The following GPC3 variants were observed in gnomAD, a reference collection of about 807,000 sequenced individuals.
The protein encoded by GPC3 is glypican-3.
In GPC3, 3 loss-of-function variants were observed where a neutral mutation model predicts 34.4. That is an observed-to-expected ratio of 0.09 (90% CI 0.04 to 0.23). GPC3 has a LOEUF of 0.23. Among genes scored for constraint, GPC3 ranks in the 10% least tolerant of loss-of-function variants. The pLI is 1.00. For synonymous variants in GPC3, 177 were observed against 174.0 expected (o/e 1.02, Z -0.13); for missense variants, 351 against 445.6 (o/e 0.79, Z 1.91).
intron 7 of GPC3, among the ~76,000 whole-genome samples, chrX:133,563,186 A>T (rs1264424892): frequency 9.0e-6 from 1 of 111,360 alleles, no homozygotes; most frequent in Non-Finnish European, 1.9e-5. Flanking sequence ...GGGAAAAAAA[A>T]GGCAAGCTGA....
chrX:133,858,285 G>T (rs1039160319), intron 2 of GPC3, among the ~76,000 whole-genome samples: 1 of 111,935 alleles, frequency 8.9e-6, no homozygotes, highest in Non-Finnish European at 1.9e-5. Flanking sequence ...TTAGGAAAAG[G>T]CGTCCCCGCT....
Position 133,763,320 on chromosome X carries a change from G to A in GPC3, c.338-9144C>T, listed in dbSNP as rs1448886766. The A allele has an allele frequency of 7.1e-6, 4 of 561,031 alleles. No individual in the cohort carries two copies. In the East Asian group the frequency reaches 1.0e-4, roughly 14 times the overall value. The allele number at this position is 561,031 out of a possible 1,213,427, so 46.2% of individuals were successfully genotyped here. A position where few individuals can be genotyped will look rare whatever the true frequency, so the allele number is the denominator to read the frequency against. ...GAGCTCACTCAGTGGGTTTGATGTG[G>A]TGGATGCTGGCTCAGGAAGTTCTGC... On this transcript the variant is annotated intron_variant, in intron 2 of 7. Transcript: ENST00000370818.
chrX:133,925,302 A>T (rs2076270377), intron 2 of GPC3, among the ~76,000 whole-genome samples: 2 of 110,522 alleles, frequency 1.8e-5, no homozygotes, highest in Admixed American at 1.9e-4. Flanking sequence ...CTGATTCTGG[A>T]TTTCAAGAGG....
At chrX:133,768,240 A>G (rs1243747623) in intron 2 of GPC3, among the ~76,000 whole-genome samples, 2 of 111,447 alleles carry the variant, frequency 1.8e-5, no homozygotes, top group African/African-American at 6.5e-5. Context: ...CTGAGCATCG[A>G]GCGCCTAAAG....
chrX:133,562,222 G>A (rs1375940454), intron 7 of GPC3, among the ~76,000 whole-genome samples: 3 of 111,605 alleles, frequency 2.7e-5, no homozygotes, highest in African/African-American at 9.8e-5. Context: ...AAAGGCGAAG[G>A]AGTCACGAGC....
intron 2 of GPC3, among the ~76,000 whole-genome samples, chrX:133,909,152 A>G (rs2076184427): frequency 8.9e-6 from 1 of 112,073 alleles, no homozygotes; most frequent in Admixed American, 9.5e-5. Flanking sequence ...TTTGTTAAAT[A>G]AACGAATATT....
intron 6 of GPC3, among the ~76,000 whole-genome samples, chrX:133,641,139 A>G (rs889981347): frequency 1.3e-4 from 14 of 110,528 alleles, no homozygotes; most frequent in Non-Finnish European, 2.5e-4. Flanking sequence ...AAAAAATTCC[A>G]GGTGTATGCT....
chrX:133,704,743 G>T (rs2071199919), intron 3 of GPC3, among the ~76,000 whole-genome samples: 1 of 110,805 alleles, frequency 9.0e-6, no homozygotes, highest in African/African-American at 3.3e-5. Context: ...GAGAAGGGGT[G>T]AGGGGAAGGT....
intron 6 of GPC3, among the ~76,000 whole-genome samples, chrX:133,627,931 T>G (rs889544374): frequency 1.8e-5 from 2 of 112,219 alleles, no homozygotes; most frequent in Non-Finnish European, 3.8e-5. Flanking sequence ...TTAATTCTCT[T>G]TACAAAGAGC....
intron 3 of GPC3, among the ~76,000 whole-genome samples, chrX:133,735,961 T>TA (rs57468151): frequency 3.1e-4 from 30 of 96,201 alleles, no homozygotes; most frequent in Non-Finnish European, 2.9e-4. Flanking sequence ...AGACCCTGTT[T>TA]AAAAAAAAAA....
chrX:133,887,465 GTCT>G (rs920716285), intron 2 of GPC3, among the ~76,000 whole-genome samples: 1 of 111,818 alleles, frequency 8.9e-6, no homozygotes, highest in Non-Finnish European at 1.9e-5. Flanking sequence ...CCATTTGTAT[GTCT>G]TCTTTGGAGA....
chrX:133,618,726 A>G (rs191922842), intron 6 of GPC3, among the ~76,000 whole-genome samples: 30 of 109,966 alleles, frequency 2.7e-4, no homozygotes, highest in Non-Finnish European at 5.1e-4. Flanking sequence ...AAAATAGACC[A>G]AAGGTTAAAA....
chrX:133,770,999 A>G (rs1180319414), intron 2 of GPC3, among the ~76,000 whole-genome samples: 1 of 111,601 alleles, frequency 9.0e-6, no homozygotes, highest in Non-Finnish European at 1.9e-5. Context: ...ACAGATGGAC[A>G]AGGGACAGTA....
At chrX:133,932,443 A>G (rs998916461) in intron 2 of GPC3, among the ~76,000 whole-genome samples, 1 of 112,066 alleles carries the variant, frequency 8.9e-6, no homozygotes, top group African/African-American at 3.2e-5. Flanking sequence ...AACATGTAAA[A>G]TAATAGTTCT....
intron 2 of GPC3, among the ~76,000 whole-genome samples, chrX:133,871,017 T>C (rs2124575438): frequency 8.9e-6 from 1 of 112,077 alleles, no homozygotes; most frequent in South Asian, 3.8e-4. Context: ...TTTTCCTGCT[T>C]TCATGATTTC....
intron 7 of GPC3, among the ~76,000 whole-genome samples, chrX:133,536,867 T>G (rs942008593): frequency 9.0e-6 from 1 of 111,326 alleles, no homozygotes; most frequent in Non-Finnish European, 1.9e-5. Flanking sequence ...GAAAGTTGTT[T>G]TATTTTCCCA....
chrX:133,619,101 TAAATG>T (rs767321825), intron 6 of GPC3, among the ~76,000 whole-genome samples: 64 of 112,188 alleles, frequency 5.7e-4, no homozygotes, highest in Middle Eastern at 4.6e-3. Context: ...TCATAAGCCA[TAAATG>T]AAATGAAATC....
intron 5 of GPC3, among the ~76,000 whole-genome samples, chrX:133,686,726 G>A (rs1305681826): frequency 9.3e-6 from 1 of 107,762 alleles, no homozygotes; most frequent in Non-Finnish European, 1.9e-5. Flanking sequence ...CCACTGAATC[G>A]TATACCCTAA....
chrX:133,869,803 A>C (rs965243511), intron 2 of GPC3, among the ~76,000 whole-genome samples: 1 of 111,069 alleles, frequency 9.0e-6, no homozygotes, highest in Non-Finnish European at 1.9e-5. Flanking sequence ...AATACAAAAA[A>C]AATTAGCCGG....
Sources: allele counts gnomAD v4.1 joint callset (sites outside exome capture counted in the v4.1 genomes callset), GRCh38; gene constraint gnomAD v4.1.1; transcripts MANE v1.5; gene names NCBI Gene and HGNC (gene_info 2026-07-23, HGNC 2026-07-21).